The following AJAP1 variants were observed in gnomAD, a reference collection of about 807,000 sequenced individuals.
AJAP1 encodes the protein adherens junctions associated protein 1, also known as adherens junction-associated protein 1.
Under a neutral mutation model 35.0 loss-of-function variants are expected in AJAP1, and 5 were observed. The observed-to-expected ratio is 0.14, with a 90% CI of 0.07 to 0.30. The LOEUF is 0.30. Among genes scored for constraint, AJAP1 ranks in the 10% least tolerant of loss-of-function variants. The pLI is 1.00. For synonymous variants in AJAP1, 284 were observed against 249.3 expected, an observed-to-expected ratio of 1.14 and a Z score of -1.31; for missense variants, 586 against 571.0, an observed-to-expected ratio of 1.03 and a Z score of -0.27.
At chr1:4,678,280 C>T (rs983459889) in intron 1 of AJAP1, among the ~76,000 whole-genome samples, 2 of 152,244 alleles carry the variant, frequency 1.3e-5, no homozygotes, top group African/African-American at 4.8e-5. Flanking sequence ...TGAATCTGGT[C>T]TAGGAGTGTG....
intron 5 of AJAP1, among the ~76,000 whole-genome samples, chr1:4,776,499 G>A (rs1310484919): frequency 6.6e-6 from 1 of 152,142 alleles, no homozygotes; most frequent in African/African-American, 2.4e-5. Flanking sequence ...CCTGAGCCCA[G>A]GGATCCTTCT....
intron 5 of AJAP1, among the ~76,000 whole-genome samples, chr1:4,778,053 G>T (rs1044256626): frequency 5.3e-5 from 8 of 152,292 alleles, no homozygotes; most frequent in South Asian, 2.1e-4. Flanking sequence ...ATGTATGTAT[G>T]TATTTATTTA....
At chr1:4,671,399 T>C (rs568503657) in intron 1 of AJAP1, among the ~76,000 whole-genome samples, 3 of 138,438 alleles carry the variant, frequency 2.2e-5, no homozygotes, top group South Asian at 6.0e-4. Flanking sequence ...GGCAGCTGAT[T>C]GTCAGGAGGA....
chr1:4,738,062 T>G (rs1557633286), intron 2 of AJAP1, among the ~76,000 whole-genome samples: 1 of 152,194 alleles, frequency 6.6e-6, no homozygotes, highest in Non-Finnish European at 1.5e-5. Context: ...CCAGGCTTGA[T>G]TTTACCTGGT....
chr1:4,677,555 A>G (rs1421125728), intron 1 of AJAP1, among the ~76,000 whole-genome samples: 1 of 151,720 alleles, frequency 6.6e-6, no homozygotes, highest in Non-Finnish European at 1.5e-5. Context: ...CGCCAAGCAG[A>G]TGACAGAGAA....
chr1:4,767,076 A>AAGGC (rs984927445), intron 2 of AJAP1, among the ~76,000 whole-genome samples: 2 of 152,174 alleles, frequency 1.3e-5, no homozygotes, highest in Admixed American at 6.5e-5. Context: ...ATTTACACAA[A>AAGGC]AGGCAGGAGA....
chr1:4,734,478 T>C lies in AJAP1; in HGVS notation c.829+21779T>C, dbSNP rs925523953. ...AGGGGGTGGAGTCAGGATTCAAACCTAGGTTCCAGGGATGGTGTGTTGACA... is the reference window on the plus strand; with the variant it reads ...AGGGGGTGGAGTCAGGATTCAAACCCAGGTTCCAGGGATGGTGTGTTGACA... On this transcript the variant is annotated intron_variant, in intron 2 of 5. Transcript: ENST00000378191. This position sits in a 1 kb window ranked among gnomAD's most constrained non-coding sequence, Gnocchi z 4.3. Among the ~76,000 whole-genome samples the C allele has an allele frequency of 6.6e-6, 1 of 152,240 alleles. No homozygotes were observed.
intron 2 of AJAP1, among the ~76,000 whole-genome samples, chr1:4,727,802 G>A (rs528828412): frequency 6.6e-6 from 1 of 152,296 alleles, no homozygotes; most frequent in African/African-American, 2.4e-5. Flanking sequence ...GGGGGCTAGC[G>A]GGTGTCCAGG....
In AJAP1 at chr1:4,715,045, G is replaced by A. The variant is rs1164043161; in HGVS notation, c.829+2346G>A. Reference sequence around the variant, plus strand: ...GTCCCAAGTAGAGGGGGATGGGGCAGGGGGAGGAAAACAACTGTTTAAGCT... The same window carrying A: ...GTCCCAAGTAGAGGGGGATGGGGCAAGGGGAGGAAAACAACTGTTTAAGCT... On this transcript the variant is annotated intron_variant, in intron 2 of 5. Transcript: ENST00000378191. Among the ~76,000 whole-genome samples, 8 of 152,144 alleles carry A rather than the reference G, an allele frequency of 5.3e-5. No individual in the cohort carries two copies. In the South Asian group the frequency reaches 6.2e-4, roughly 12 times the overall value.
Position 4,784,483 on chromosome 1 carries a change from GCCCTCAAT to G in AJAP1, c.*1999_*2006del, listed in dbSNP as rs955360274. 1 of 152,200 alleles carries G rather than the reference GCCCTCAAT, an allele frequency of 6.6e-6. No homozygotes were observed. Among genetic ancestry groups the G allele is most frequent in the African/African-American group, 2.4e-5 (1 of 41,460 alleles). 9.4% of individuals were successfully genotyped at this position (152,200 alleles called of 1,614,324 possible). ...GATCAGACAGACAGCTGACCTTACT[GCCCTCAAT>G]GGCCAGGCTGATGACCTGATTCTTC... On this transcript the variant is annotated 3_prime_UTR_variant, in exon 6 of 6. Transcript: ENST00000378191.
At chr1:4,687,777 C>T (rs1271344000) in intron 1 of AJAP1, among the ~76,000 whole-genome samples, 3 of 152,186 alleles carry the variant, frequency 2.0e-5, no homozygotes, top group Non-Finnish European at 4.4e-5. Flanking sequence ...CAAGGAAGGG[C>T]AGGGGCACCA....
At chr1:4,741,850 G>A (rs776827228) in intron 2 of AJAP1, among the ~76,000 whole-genome samples, 3 of 152,190 alleles carry the variant, frequency 2.0e-5, no homozygotes, top group African/African-American at 4.8e-5. Context: ...AAGTACTCAC[G>A]GAATGATGGG....
intron 1 of AJAP1, among the ~76,000 whole-genome samples, chr1:4,663,839 T>G (rs1212312412): frequency 2.6e-5 from 4 of 152,128 alleles, no homozygotes; most frequent in African/African-American, 9.7e-5. Flanking sequence ...GCCTACAGAC[T>G]GTTTGCCGTG....
chr1:4,736,215 C>T (rs1465963099), intron 2 of AJAP1, among the ~76,000 whole-genome samples: 1 of 152,240 alleles, frequency 6.6e-6, no homozygotes, highest in East Asian at 1.9e-4. Context: ...ATCAGTTCTC[C>T]TAAACCACAG....
chr1:4,667,769 G>A (rs115338915), intron 1 of AJAP1, among the ~76,000 whole-genome samples: 210 of 152,292 alleles, frequency 1.4e-3, no homozygotes, highest in African/African-American at 4.8e-3. Context: ...GCTGCTTGGG[G>A]TGAAGTCATC....
At chr1:4,691,703 G>A (rs1256118178) in intron 1 of AJAP1, among the ~76,000 whole-genome samples, 2 of 152,158 alleles carry the variant, frequency 1.3e-5, no homozygotes, top group Admixed American at 1.3e-4. Flanking sequence ...AGGAAGGAGG[G>A]CCAGGACCTG....
chr1:4,672,078 C>G (rs1390491031), intron 1 of AJAP1, among the ~76,000 whole-genome samples: 2 of 152,326 alleles, frequency 1.3e-5, no homozygotes, highest in East Asian at 3.9e-4. Flanking sequence ...TGTCGTAACA[C>G]ACACATGTAA....
chr1:4,747,757 G>A (rs551394909), intron 2 of AJAP1, among the ~76,000 whole-genome samples: 4 of 152,124 alleles, frequency 2.6e-5, no homozygotes, highest in African/African-American at 4.8e-5. Context: ...GGAGGCTGGG[G>A]CAGGCAGATC....
intron 2 of AJAP1, among the ~76,000 whole-genome samples, chr1:4,735,977 C>A (rs1557632342): frequency 1.3e-5 from 2 of 152,188 alleles, no homozygotes; most frequent in African/African-American, 4.8e-5. Flanking sequence ...CGCTGAGGTT[C>A]CTTAAGGCCC....
Sources: allele counts gnomAD v4.1 joint callset (sites outside exome capture counted in the v4.1 genomes callset), GRCh38; gene constraint gnomAD v4.1.1; non-coding constraint Gnocchi (gnomAD v3.1); transcripts MANE v1.5; gene names NCBI Gene and HGNC (gene_info 2026-07-23, HGNC 2026-07-21).